The following PRKCI variants were observed in gnomAD, a reference collection of about 807,000 sequenced individuals.
The protein encoded by PRKCI is protein kinase C iota type.
PRKCI carries 43 observed loss-of-function variants against 84.0 expected under a neutral mutation model. The observed-to-expected ratio is 0.51, with a 90% CI of 0.40 to 0.66. The LOEUF is 0.66. Ranked by LOEUF, PRKCI falls within the 30% of genes least tolerant of loss-of-function variation. The pLI, the probability that PRKCI is intolerant of heterozygous loss-of-function variation, is 0.00. For missense variants in PRKCI, 459 were observed against 745.6 expected, an observed-to-expected ratio of 0.62 and a Z score of 4.48; for synonymous variants, 216 against 234.4, an observed-to-expected ratio of 0.92 and a Z score of 0.72.
chr3:170,223,844 C>G (rs1475284378), intron 1 of PRKCI, among the ~76,000 whole-genome samples: 1 of 152,102 alleles, frequency 6.6e-6, no homozygotes, highest in African/African-American at 2.4e-5. Flanking sequence ...AGCAAACTCT[C>G]AAACTACCTC....
chr3:170,257,949 C>T (rs1295984053), intron 2 of PRKCI, among the ~76,000 whole-genome samples: 3 of 152,072 alleles, frequency 2.0e-5, no homozygotes, highest in African/African-American at 4.8e-5. Context: ...CAGGTGTGAG[C>T]CACTGCACCT....
intron 2 of PRKCI, among the ~76,000 whole-genome samples, chr3:170,239,402 T>G (rs760047182): frequency 6.6e-6 from 1 of 152,234 alleles, no homozygotes; most frequent in Admixed American, 6.5e-5. Flanking sequence ...ATAAAATGCT[T>G]CTTATCATAA....
chr3:170,297,251 T>G, intron 15 of PRKCI, 53 bp from the exon 16 acceptor site: 1 of 1,413,788 alleles, frequency 7.1e-7, no homozygotes, highest in Non-Finnish European at 1.0e-6. Flanking sequence ...CAAAGATGAT[T>G]TATTTTAAAG....
rs975355715 is a variant in PRKCI at position 170,222,515 on chromosome 3, A to C, written c.-155A>C. On this transcript the variant is annotated 5_prime_UTR_variant, in exon 1 of 18. Coordinates refer to ENST00000295797, the MANE Select transcript of PRKCI (RefSeq NM_002740.6). Reference sequence around the variant, plus strand: ...CCGCGCGGTTCCGGCTGCTCCGGCGAGGCGACCCTTGGGTCGGCGCTGCGG... The same window carrying C: ...CCGCGCGGTTCCGGCTGCTCCGGCGCGGCGACCCTTGGGTCGGCGCTGCGG... 24 of 603,174 alleles carry C rather than the reference A, an allele frequency of 4.0e-5. No homozygotes were observed. Among genetic ancestry groups the C allele is most frequent in the Non-Finnish European group, 6.0e-5 (23 of 381,862 alleles). The allele number at this position is 603,174 out of a possible 1,614,324, so 37.4% of individuals were successfully genotyped here.
chr3:170,229,588 C>T (rs1050282261), intron 1 of PRKCI, among the ~76,000 whole-genome samples: 3 of 152,172 alleles, frequency 2.0e-5, no homozygotes, highest in African/African-American at 4.8e-5. Flanking sequence ...TGAGCCATTG[C>T]GCCCAGCCAC....
In PRKCI at chr3:170,222,443, G is replaced by T; in HGVS notation, c.-227G>T. The T allele has an allele frequency of 2.2e-6, 1 of 450,822 alleles. No individual in the cohort carries two copies. The highest frequency in any genetic ancestry group is 4.5e-5 in the Admixed American group (1 of 22,466). 27.9% of individuals were successfully genotyped at this position (450,822 alleles called of 1,614,324 possible). A position where few individuals can be genotyped will look rare whatever the true frequency, so the allele number is the denominator to read the frequency against. On this transcript the variant is annotated 5_prime_UTR_variant, in exon 1 of 18. Transcript: ENST00000295797. ...GGGACCGACGCAGGAGGTGTCTTGG[G>T]CCCGGGCGGCTGTAGAGGCGGCGGC...
chr3:170,250,432 A>ACCC (rs67204438), intron 2 of PRKCI, among the ~76,000 whole-genome samples: 13 of 55,128 alleles, frequency 2.4e-4, no homozygotes, highest in Admixed American at 5.0e-4. Context: ...TTCATTACCA[A>ACCC]CCCCCCCCCC....
chr3:170,304,600 G>C lies in PRKCI; in HGVS notation c.*1473G>C, dbSNP rs866584342. The C allele has an allele frequency of 1.3e-5, 2 of 152,056 alleles. No individual in the cohort carries two copies. Among genetic ancestry groups the C allele is most frequent in the African/African-American group, 4.8e-5 (2 of 41,406 alleles). The allele number at this position is 152,056 out of a possible 1,614,324, so 9.4% of individuals were successfully genotyped here. On this transcript the variant is annotated 3_prime_UTR_variant, in exon 18 of 18. Transcript: ENST00000295797. ...ACACATCACAGTATCAGCTCTTTCA[G>C]TGAGTTTTTATTAACTAGATAACAC... is the stretch of plus-strand genomic sequence containing the variant.
intron 17 of PRKCI, among the ~76,000 whole-genome samples, chr3:170,301,868 A>G (rs1306711223): frequency 2.6e-5 from 4 of 152,190 alleles, no homozygotes; most frequent in Admixed American, 1.3e-4. Flanking sequence ...CCTATCAGGT[A>G]ACATCTATCC....
chr3:170,234,410 A>G (rs911898032), intron 1 of PRKCI, among the ~76,000 whole-genome samples: 1 of 152,204 alleles, frequency 6.6e-6, no homozygotes, highest in African/African-American at 2.4e-5. Context: ...TAGCTTTTGA[A>G]AAGTAAAATT....
chr3:170,303,375 T>G lies in PRKCI; in HGVS notation c.*248T>G. On this transcript the variant is annotated 3_prime_UTR_variant, in exon 18 of 18. Coordinates refer to ENST00000295797, the MANE Select transcript of PRKCI (RefSeq NM_002740.6). Reference sequence around the variant, plus strand: ...CTGGTTTTTCAGTTTTTAAAAGGCCTACAGATGAGTAATGAAGTTATCTTT... The same window carrying G: ...CTGGTTTTTCAGTTTTTAAAAGGCCGACAGATGAGTAATGAAGTTATCTTT... The G allele has an allele frequency of 6.4e-6, 2 of 314,018 alleles. No homozygotes were observed. Among genetic ancestry groups the G allele is most frequent in the Non-Finnish European group, 1.1e-5 (2 of 174,154 alleles). 19.5% of individuals were successfully genotyped at this position (314,018 alleles called of 1,614,324 possible). A position where few individuals can be genotyped will look rare whatever the true frequency, so the allele number is the denominator to read the frequency against.
At chr3:170,248,202 C>G (rs1432724569) in intron 2 of PRKCI, among the ~76,000 whole-genome samples, 1 of 152,094 alleles carries the variant, frequency 6.6e-6, no homozygotes, top group Non-Finnish European at 1.5e-5. Context: ...CTAAATAAAA[C>G]AAGAGTTACA....
chr3:170,274,079 G>T (rs1734058563), intron 7 of PRKCI, among the ~76,000 whole-genome samples: 1 of 151,924 alleles, frequency 6.6e-6, no homozygotes, highest in African/African-American at 2.4e-5. Flanking sequence ...TTTCCATAAT[G>T]AAAAACATGA....
chr3:170,235,317 A>G lies in PRKCI; in HGVS notation c.189A>G (p.Glu63=), dbSNP rs749381509. 26 of 1,614,026 alleles carry G rather than the reference A, an allele frequency of 1.6e-5. No homozygotes were observed. Among genetic ancestry groups the G allele is most frequent in the Non-Finnish European group, 2.0e-5 (24 of 1,180,012 alleles). ...EVRDMCSFDN[E]QLFTMKWIDE... is the part of the protein sequence containing the mutation. The stretch of plus-strand genomic sequence containing the variant: ...GAGACATGTGTTCTTTTGACAACGA[A>G]CAGCTCTTCACCATGAAATGGATAG... Residue 63 remains glutamate, a synonymous_variant, in exon 2 of 18, where the codon GAA becomes GAG. Transcript: ENST00000295797.
At chr3:170,279,120 C>T (rs1407419516) in intron 8 of PRKCI, among the ~76,000 whole-genome samples, 2 of 152,178 alleles carry the variant, frequency 1.3e-5, no homozygotes, top group Non-Finnish European at 2.9e-5. Flanking sequence ...CTTGACCTGC[C>T]TGGCTCAGGT....
intron 3 of PRKCI, 130 bp downstream of exon 3, chr3:170,260,188 G>A (rs1733688450): frequency 3.4e-6 from 2 of 582,782 alleles, no homozygotes; most frequent in East Asian, 3.2e-5. Context: ...CTAAGTAATT[G>A]TCGTTATTTA....
At chr3:170,301,646 T>C (rs1734822220) in intron 17 of PRKCI, among the ~76,000 whole-genome samples, 1 of 152,202 alleles carries the variant, frequency 6.6e-6, no homozygotes, top group Non-Finnish European at 1.5e-5. Context: ...TGTCTGTGTT[T>C]TCATTATTTC....
At chr3:170,277,560 G>T (rs1400982833) in intron 8 of PRKCI, among the ~76,000 whole-genome samples, 3 of 152,152 alleles carry the variant, frequency 2.0e-5, no homozygotes, top group Non-Finnish European at 4.4e-5. Context: ...CAGGCTCGGT[G>T]GCAGGCGCCT....
intron 12 of PRKCI, among the ~76,000 whole-genome samples, chr3:170,289,826 C>G (rs551508931): frequency 1.3e-5 from 2 of 152,160 alleles, no homozygotes; most frequent in Admixed American, 6.5e-5. Context: ...GCAGGAGAAT[C>G]GCTTGAACCT....
Sources: gnomAD v4.1 joint callset for allele counts (sites outside exome capture counted in the v4.1 genomes callset) on GRCh38, gnomAD v4.1.1 for gene constraint, MANE v1.5 for transcripts, NCBI Gene and HGNC (gene_info 2026-07-23, HGNC 2026-07-21) for gene names.